Variants in HCN1 observed in about 807,000 individuals in gnomAD.
The protein encoded by HCN1 is hyperpolarization activated cyclic nucleotide gated potassium channel 1.
A neutral mutation model predicts 78.9 loss-of-function variants in HCN1; 13 were observed. The observed-to-expected ratio is 0.16, with a 90% CI of 0.11 to 0.26. HCN1 has a LOEUF of 0.26. Ranked by LOEUF, HCN1 falls within the 10% of genes least tolerant of loss-of-function variation. HCN1 has a pLI of 1.00. For synonymous variants in HCN1, 552 were observed against 455.5 expected (o/e 1.21, Z -2.70); for missense variants, 810 against 1,154.3 (o/e 0.70, Z 4.32).
chr5:45,398,399 C>G (rs1739725362), intron 3 of HCN1, among the ~76,000 whole-genome samples: 1 of 152,134 alleles, frequency 6.6e-6, no homozygotes, highest in Admixed American at 6.5e-5. Flanking sequence ...ATGTACTCAT[C>G]TCATTTATAG....
intron 3 of HCN1, among the ~76,000 whole-genome samples, chr5:45,446,251 C>T (rs1029506789): frequency 3.9e-5 from 6 of 152,316 alleles, no homozygotes; most frequent in Admixed American, 6.5e-5. Context: ...GCAGAAGCCT[C>T]AGGAGCCAAT....
chr5:45,635,226 C>G (rs1266044291), intron 2 of HCN1, among the ~76,000 whole-genome samples: 1 of 151,942 alleles, frequency 6.6e-6, no homozygotes, highest in Non-Finnish European at 1.5e-5. Context: ...TATGAATTTT[C>G]CATTTATCAT....
At chr5:45,414,270 T>A (rs1161528773) in intron 3 of HCN1, among the ~76,000 whole-genome samples, 1 of 151,942 alleles carries the variant, frequency 6.6e-6, no homozygotes, top group Non-Finnish European at 1.5e-5. Flanking sequence ...CTTGTCTCCC[T>A]CCTCCATGCC....
At chr5:45,525,116 C>A (rs900338214) in intron 2 of HCN1, among the ~76,000 whole-genome samples, 1 of 151,952 alleles carries the variant, frequency 6.6e-6, no homozygotes, top group Non-Finnish European at 1.5e-5. Context: ...TTGAGATAAT[C>A]GTGGTTTTTG....
chr5:45,585,495 A>T (rs939995915), intron 2 of HCN1, among the ~76,000 whole-genome samples: 3 of 152,070 alleles, frequency 2.0e-5, no homozygotes, highest in African/African-American at 7.2e-5. Flanking sequence ...AGCTCAGAGT[A>T]GTTTGATCGT....
intron 2 of HCN1, among the ~76,000 whole-genome samples, chr5:45,522,364 G>A (rs530774932): frequency 6.6e-6 from 1 of 152,036 alleles, no homozygotes; most frequent in East Asian, 1.9e-4. Flanking sequence ...AAAAACTAGT[G>A]TCAGATTTAC....
intron 6 of HCN1, among the ~76,000 whole-genome samples, chr5:45,274,183 T>G (rs927881841): frequency 3.9e-5 from 6 of 152,146 alleles, no homozygotes; most frequent in Non-Finnish European, 7.4e-5. Flanking sequence ...AATTTTTCAT[T>G]TTACTAAGGG....
Position 45,262,343 on chromosome 5 carries a change from G to A in HCN1, c.2251C>T (p.Pro751Ser). Reference sequence around the variant, plus strand: ...CCAGGTGTCTGTGGCTGCGGGGACGGCTGCTGTGGCTGAGTCTGCGGCGGC... The same window carrying A: ...CCAGGTGTCTGTGGCTGCGGGGACGACTGCTGTGGCTGAGTCTGCGGCGGC... ...SQPPQTQPQQ[P>S]SPQPQTPGSS... Residue 751 changes from proline (P) to serine (S), a missense_variant, in exon 8 of 8, where the codon CCG (proline) becomes TCG (serine). Around this residue, in one of 6 missense-constraint regions of HCN1, gnomAD observed 398 missense variants for 381.3 expected, o/e 1.04. Transcript: ENST00000303230. 2 of 1,613,206 alleles carry A rather than the reference G, an allele frequency of 1.2e-6. No individual in the cohort carries two copies. Among genetic ancestry groups the A allele is most frequent in the East Asian group, 2.2e-5 (1 of 44,868 alleles).
At chr5:45,426,945 A>C (rs1020634525) in intron 3 of HCN1, among the ~76,000 whole-genome samples, 4 of 152,138 alleles carry the variant, frequency 2.6e-5, no homozygotes, top group African/African-American at 9.6e-5. Context: ...TATACTCAAC[A>C]GTCTTGCAAT....
At chr5:45,374,056 T>A (rs187747493) in intron 4 of HCN1, among the ~76,000 whole-genome samples, 42 of 72,284 alleles carry the variant, frequency 5.8e-4, no homozygotes, top group East Asian at 1.8e-3. Context: ...TTATATATAT[T>A]ATATATATAA....
At chr5:45,533,684 G>A (rs1196518752) in intron 2 of HCN1, among the ~76,000 whole-genome samples, 1 of 152,204 alleles carries the variant, frequency 6.6e-6, no homozygotes, top group African/African-American at 2.4e-5. Context: ...GGAGGGCACA[G>A]CAAGAATTGG....
chr5:45,554,764 A>G (rs1307916774), intron 2 of HCN1, among the ~76,000 whole-genome samples: 2 of 151,788 alleles, frequency 1.3e-5, no homozygotes, highest in Admixed American at 1.3e-4. Context: ...GCTAAGGGCA[A>G]TTTGACCTTA....
intron 2 of HCN1, among the ~76,000 whole-genome samples, chr5:45,470,837 C>G (rs1281486842): frequency 2.0e-5 from 3 of 151,946 alleles, no homozygotes; most frequent in Non-Finnish European, 4.4e-5. Flanking sequence ...GAACCCTTAA[C>G]TTTTCTAGAG....
rs911359579 is a variant in HCN1 at position 45,610,719 on chromosome 5, G to A, written c.849+34466C>T. ...TTAGCTTAACAGCTTAGTGGAGAAC[G>A]AAGAAAATACTAGATGGATAAAGAA... On this transcript the variant is annotated intron_variant, in intron 2 of 7. Transcript: ENST00000303230. Among the ~76,000 whole-genome samples the A allele has an allele frequency of 5.3e-5, 8 of 151,116 alleles. No individual in the cohort carries two copies. The South Asian group carries it at 1.3e-3, about 24-fold the overall frequency.
intron 3 of HCN1, among the ~76,000 whole-genome samples, chr5:45,431,797 CT>C (rs931442289): frequency 6.6e-6 from 1 of 152,098 alleles, no homozygotes; most frequent in Non-Finnish European, 1.5e-5. Flanking sequence ...GTCTATGTAC[CT>C]TTTTTTGTAG....
intron 2 of HCN1, chr5:45,559,196 G>A (rs1175799372): frequency 6.6e-6 from 1 of 151,956 alleles, no homozygotes. Context: ...CAAGAGCTCT[G>A]ATGGATATGT....
intron 1 of HCN1, among the ~76,000 whole-genome samples, chr5:45,686,926 T>C (rs916657484): frequency 1.3e-5 from 2 of 152,158 alleles, no homozygotes; most frequent in Admixed American, 6.6e-5. Flanking sequence ...CTTCATGTTG[T>C]TTGGTGTAAT....
intron 2 of HCN1, among the ~76,000 whole-genome samples, chr5:45,627,688 C>G (rs1269980685): frequency 6.6e-6 from 1 of 152,122 alleles, no homozygotes; most frequent in Non-Finnish European, 1.5e-5. Context: ...AAAATAAAAT[C>G]TAAAATCCCC....
At chr5:45,648,805 T>A (rs1745622653) in intron 1 of HCN1, among the ~76,000 whole-genome samples, 5 of 151,882 alleles carry the variant, frequency 3.3e-5, no homozygotes, top group Admixed American at 3.3e-4. Flanking sequence ...ATTTCTCTGG[T>A]CTGGGCAGAG....
Sources: allele counts gnomAD v4.1 joint callset (sites outside exome capture counted in the v4.1 genomes callset), GRCh38; gene constraint gnomAD v4.1.1; regional missense constraint gnomAD v4.1.1; transcripts MANE v1.5; gene names NCBI Gene and HGNC (gene_info 2026-07-23, HGNC 2026-07-21).